ZMYM1: variants seen among roughly 807,000 people sequenced by gnomAD.
The protein encoded by ZMYM1 is zinc finger MYM-type protein 1.
A neutral mutation model predicts 60.0 loss-of-function variants in ZMYM1; 39 were observed. The observed-to-expected ratio is 0.65, with a 90% CI of 0.50 to 0.85. The LOEUF is 0.85. Among genes scored for constraint, ZMYM1 ranks in the 40% least tolerant of loss-of-function variants. ZMYM1 has a pLI of 0.00. For synonymous variants in ZMYM1, 413 were observed against 454.0 expected (o/e 0.91, Z 1.15); for missense variants, 1,171 against 1,309.5 (o/e 0.89, Z 1.63).
At chr1:35,075,084 A>G (rs2148480867), upstream of ZMYM1, among the ~76,000 whole-genome samples, 2 of 152,202 alleles carry the variant, frequency 1.3e-5, no homozygotes, top group South Asian at 4.1e-4. Context: ...ATGGTAGCAC[A>G]TATATATTTA....
At chr1:35,111,937 G>T in intron 8 of ZMYM1, 25 bp downstream of exon 8, 1 of 1,568,132 alleles carries the variant, frequency 6.4e-7, no homozygotes, top group South Asian at 1.2e-5. Flanking sequence ...TAAGATATTT[G>T]ACATAAATAT....
intron 4 of ZMYM1, among the ~76,000 whole-genome samples, chr1:35,099,916 C>T (rs1490873405): frequency 6.6e-6 from 1 of 151,600 alleles, no homozygotes; most frequent in Non-Finnish European, 1.5e-5. Flanking sequence ...GACGGAGTCT[C>T]GTCTCAATCT....
At chr1:35,080,993 G>C (rs114542648) in intron 1 of ZMYM1, among the ~76,000 whole-genome samples, 120 of 151,904 alleles carry the variant, frequency 7.9e-4, no homozygotes, top group Admixed American at 3.7e-3. Flanking sequence ...TCCCAGACTG[G>C]AGTGCAGTAG....
intron 1 of ZMYM1, among the ~76,000 whole-genome samples, chr1:35,085,335 C>T (rs1642600174): frequency 2.0e-5 from 3 of 152,218 alleles, no homozygotes; most frequent in Admixed American, 2.0e-4. Context: ...GCGTGAGCCA[C>T]CGCGCCCGGC....
chr1:35,111,657 A>G (rs1250302543), intron 7 of ZMYM1, 115 bp from the exon 8 acceptor site: 2 of 995,878 alleles, frequency 2.0e-6, no homozygotes, highest in African/African-American at 3.3e-5. Flanking sequence ...TTCAGTACCT[A>G]CCAATTCCTT....
chr1:35,112,648 TG>T (rs1046947597), intron 9 of ZMYM1, among the ~76,000 whole-genome samples: 1 of 148,196 alleles, frequency 6.7e-6, no homozygotes, highest in African/African-American at 2.5e-5. Flanking sequence ...TATTCATATA[TG>T]GGGTGTGTGT....
intron 1 of ZMYM1, among the ~76,000 whole-genome samples, chr1:35,089,054 C>T (rs1387284840): frequency 2.0e-5 from 3 of 151,994 alleles, no homozygotes; most frequent in African/African-American, 7.2e-5. Context: ...CCTCCTCATC[C>T]ACCCACCTCA....
chr1:35,087,259 T>C (rs952284988), intron 1 of ZMYM1, among the ~76,000 whole-genome samples: 1 of 152,054 alleles, frequency 6.6e-6, no homozygotes, highest in African/African-American at 2.4e-5. Context: ...CCCAAAGTGC[T>C]GGGATTACAG....
At chr1:35,112,653 T>G (rs2935953) in intron 9 of ZMYM1, among the ~76,000 whole-genome samples, 4,414 of 148,210 alleles carry the variant, frequency 0.03, 205 homozygotes, top group African/African-American at 0.1. Flanking sequence ...ATATATGGGG[T>G]GTGTGTGTAT....
intron 1 of ZMYM1, among the ~76,000 whole-genome samples, chr1:35,088,843 A>G (rs538557634): frequency 8.0e-6 from 1 of 124,868 alleles, no homozygotes; most frequent in Non-Finnish European, 1.6e-5. Context: ...ACAGAGTCTC[A>G]CACTCTTGCC....
At chr1:35,099,177 T>C (rs1379398177) in intron 4 of ZMYM1, among the ~76,000 whole-genome samples, 1 of 152,202 alleles carries the variant, frequency 6.6e-6, no homozygotes, top group Non-Finnish European at 1.5e-5. Flanking sequence ...TTGCTTCAGC[T>C]CCTCTGGCTG....
intron 1 of ZMYM1, among the ~76,000 whole-genome samples, chr1:35,081,154 G>A (rs1642367307): frequency 6.6e-6 from 1 of 151,628 alleles, no homozygotes; most frequent in Non-Finnish European, 1.5e-5. Context: ...CTAGAACTCC[G>A]ACCTCAGCTG....
intron 1 of ZMYM1, among the ~76,000 whole-genome samples, chr1:35,074,178 T>C (rs955486526): frequency 3.9e-5 from 6 of 152,198 alleles, no homozygotes; most frequent in Non-Finnish European, 8.8e-5. Context: ...ATGTGTAAGA[T>C]TTCTGAAGTT....
intron 6 of ZMYM1, among the ~76,000 whole-genome samples, chr1:35,106,188 C>A (rs1643884268): frequency 6.6e-6 from 1 of 152,146 alleles, no homozygotes; most frequent in African/African-American, 2.4e-5. Flanking sequence ...TTCTGATAGA[C>A]AAGCTCTGGG....
upstream of ZMYM1, among the ~76,000 whole-genome samples, chr1:35,076,526 C>T (rs923784548): frequency 2.6e-5 from 4 of 151,560 alleles, no homozygotes; most frequent in African/African-American, 7.3e-5. Context: ...GAGGCTGAGG[C>T]AGGATAATCA....
chr1:35,084,724 G>C (rs1265369881), intron 1 of ZMYM1, among the ~76,000 whole-genome samples: 1 of 152,214 alleles, frequency 6.6e-6, no homozygotes, highest in Non-Finnish European at 1.5e-5. Context: ...TAACTGCTGT[G>C]TTCTGTTAAG....
intron 1 of ZMYM1, among the ~76,000 whole-genome samples, chr1:35,068,430 AAAAAGAAAAG>A (rs1642011761): frequency 6.6e-6 from 1 of 150,486 alleles, no homozygotes. Flanking sequence ...AAAAAAAAAA[AAAAAGAAAAG>A]AAAAAAGAAG....
At chr1:35,098,920 T>C (rs953585512) in intron 4 of ZMYM1, among the ~76,000 whole-genome samples, 1 of 152,152 alleles carries the variant, frequency 6.6e-6, no homozygotes, top group African/African-American at 2.4e-5. Context: ...TCTCAGGTCT[T>C]ACCCAGACCT....
In ZMYM1 at chr1:35,087,102, C is replaced by CT. The variant is rs200437291; in HGVS notation, c.-74-6811dup. Among the ~76,000 whole-genome samples the CT allele has an allele frequency of 2.7e-3, 407 of 149,934 alleles. 3 individuals are homozygous for CT. The highest frequency in any genetic ancestry group is 0.02 in the Admixed American group (292 of 14,952). On this transcript the variant is annotated intron_variant, in intron 1 of 9. Coordinates refer to ENST00000359858, the MANE Select transcript of ZMYM1 (RefSeq NM_024772.5). ...CCATCTCCCAGGTCAAGAGATTCTC[C>CT]TGTCTCAGCCTCCCAAGAGCTGGAA...
Sources: gnomAD v4.1 joint callset for allele counts (sites outside exome capture counted in the v4.1 genomes callset) on GRCh38, gnomAD v4.1.1 for gene constraint, MANE v1.5 for transcripts, NCBI Gene and HGNC (gene_info 2026-07-23, HGNC 2026-07-21) for gene names.